Variants in SRRM5 observed in about 807,000 individuals in gnomAD.
SRRM5 encodes serine/arginine repetitive matrix protein 5.
Under a neutral mutation model 1.3 loss-of-function variants are expected in SRRM5, and 1 was observed. The observed-to-expected ratio is 0.76, with a 90% CI of 0.27 to 3.59. The LOEUF (loss-of-function observed/expected upper bound fraction) is 3.59, where lower values mean the gene tolerates loss of function less well. Among genes scored for constraint, SRRM5 ranks in the 30% most tolerant of loss-of-function variants. SRRM5 has a pLI of 0.19. For missense variants in SRRM5, 875 were observed against 914.5 expected (o/e 0.96, Z 0.56); for synonymous variants, 275 against 320.2 (o/e 0.86, Z 1.51).
In SRRM5 at chr19:43,613,904, C is replaced by T. The variant is rs1346957527; in HGVS notation, c.1783C>T (p.Arg595Ter). 19 of 1,551,650 alleles carry T rather than the reference C, an allele frequency of 1.2e-5. No individual in the cohort carries two copies. Among genetic ancestry groups the T allele is most frequent in the Middle Eastern group, 1.7e-4 (1 of 5,990 alleles). The change falls in exon 3 of 3, where the codon CGA becomes TGA. Residue 595 changes from arginine to a stop codon, truncating the protein, a stop_gained. Transcript: ENST00000607544. LOFTEE classifies it low-confidence loss of function (END_TRUNC). ...CTCCAGCGAGGAGAGAGATCACAGC[C>T]GATCTAGAAGCCCCAATAAGCAGAG...
chr19:43,612,737 A>G lies in SRRM5; in HGVS notation c.616A>G (p.Arg206Gly), dbSNP rs1267870428. 2 of 1,551,660 alleles carry G rather than the reference A, an allele frequency of 1.3e-6. No individual in the cohort carries two copies. Among genetic ancestry groups the G allele is most frequent in the African/African-American group, 2.7e-5 (2 of 73,174 alleles). The part of the protein sequence containing the change: ...YRPPGGSGIG[R>G]SSELAVTPST... ...CCCACCAGGAGGCTCAGGTATAGGG[A>G]GGAGTTCCGAGCTGGCTGTAACTCC... Residue 206 changes from arginine to glycine, a missense_variant, in exon 1 of 1, where the codon AGG becomes GGG. Coordinates refer to ENST00000417606, the MANE Select transcript of SRRM5 (RefSeq NM_001145641.2). The surrounding 1 kb of genome is among the most constrained non-coding windows in gnomAD (Gnocchi z 4.2).
rs1275253125 is a variant in SRRM5, at chr19:43,612,720, G to A, written c.599G>A (p.Gly200Glu). 4 of 1,551,682 alleles carry A rather than the reference G, an allele frequency of 2.6e-6. No individual in the cohort carries two copies. Among genetic ancestry groups the A allele is most frequent in the East Asian group, 4.9e-5 (2 of 40,928 alleles). ...NLSKKSYRPP[G>E]GSGIGRSSEL... ...AGCAAGAAGAGTTACCGCCCACCAG[G>A]AGGCTCAGGTATAGGGAGGAGTTCC... is the stretch of plus-strand genomic sequence containing the variant. The change falls in exon 1 of 1, where the codon GGA (glycine) becomes GAA (glutamate). Residue 200 changes from glycine to glutamate, a missense_variant. Coordinates refer to ENST00000417606, the MANE Select transcript of SRRM5 (RefSeq NM_001145641.2). The surrounding 1 kb of genome is among the most constrained non-coding windows in gnomAD (Gnocchi z 4.2).
chr19:43,613,789 G>A lies in SRRM5; in HGVS notation c.1668G>A (p.Glu556=), dbSNP rs1973338913. 6.5e-7 allele frequency: 1 copy of A among 1,547,022 alleles called. No homozygotes were observed. Among genetic ancestry groups the A allele is most frequent in the Non-Finnish European group, 8.7e-7 (1 of 1,144,940 alleles). Residue 556 remains glutamate (E), a synonymous_variant, in exon 1 of 1, where the codon GAG becomes GAA. Coordinates refer to ENST00000417606, the MANE Select transcript of SRRM5 (RefSeq NM_001145641.2). The stretch of plus-strand genomic sequence containing the variant: ...CTAGAAGCCCCAGCGAGGAGAGAGA[G>A]CACAGACAATCCAGAAGCCCCAGCA... The part of the protein sequence containing the change: ...SQSRSPSEER[E]HRQSRSPSKE...
Position 43,612,387 on chromosome 19 carries a change from G to C in SRRM5, c.266G>C (p.Arg89Thr). The change falls in exon 1 of 1, where the codon AGA becomes ACA. Residue 89 changes from arginine (R) to threonine (T), a missense_variant. Physicochemically the swap from Arg to Thr is moderately conservative, Grantham distance 71. Transcript: ENST00000417606. The surrounding 1 kb of genome is among the most constrained non-coding windows in gnomAD (Gnocchi z 4.2). ...SSRSRVRSKA[R>T]TPSRVSTDTR... The stretch of plus-strand genomic sequence containing the variant: ...AGGTCCCGAGTCCGCAGCAAAGCAA[G>C]AACACCCAGCAGGGTGAGCACCGAC... 6.4e-7 allele frequency: 1 copy of C among 1,551,668 alleles called. No homozygotes were observed. Among genetic ancestry groups the C allele is most frequent in the East Asian group, 2.4e-5 (1 of 40,914 alleles).
rs1040196438 is a variant in SRRM5, at chr19:43,612,717, C to G, written c.596C>G (p.Pro199Arg). ...RNLSKKSYRP[P>R]GGSGIGRSSE... ...CTGAGCAAGAAGAGTTACCGCCCAC[C>G]AGGAGGCTCAGGTATAGGGAGGAGT... Residue 199 changes from proline to arginine, a missense_variant, in exon 1 of 1, where the codon CCA becomes CGA. By Grantham distance (103) the Pro-to-Arg change is moderately radical. Transcript: ENST00000417606. This position sits in a 1 kb window ranked among gnomAD's most constrained non-coding sequence, Gnocchi z 4.2. 1 of 1,551,510 alleles carries G rather than the reference C, an allele frequency of 6.4e-7. No individual in the cohort carries two copies. Among genetic ancestry groups the G allele is most frequent in the African/African-American group, 1.4e-5 (1 of 73,024 alleles).
chr19:43,614,123 C>G lies in SRRM5; in HGVS notation c.2002C>G (p.Pro668Ala). 2 of 1,604,318 alleles carry G rather than the reference C, an allele frequency of 1.2e-6. No homozygotes were observed. Among genetic ancestry groups the G allele is most frequent in the Non-Finnish European group, 1.7e-6 (2 of 1,175,338 alleles). ...AAGCAGTCTCAGTCAGAATAGAACC[C>G]CTAGCAAGACAAGCAGCCACTCCCC... The part of the protein sequence containing the change: ...RTSSLSQNRT[P>A]SKTSSHSPST... Residue 668 changes from proline (P) to alanine (A), a missense_variant, in exon 1 of 1, where the codon CCT becomes GCT. Pro to Ala is a conservative substitution (Grantham distance 27). Coordinates refer to ENST00000417606, the MANE Select transcript of SRRM5 (RefSeq NM_001145641.2).
Position 43,612,423 on chromosome 19 carries a change from G to C in SRRM5, c.302G>C (p.Ser101Thr). 1 of 1,550,872 alleles carries C rather than the reference G, an allele frequency of 6.4e-7. No individual in the cohort carries two copies. Among genetic ancestry groups the C allele is most frequent in the Non-Finnish European group, 8.7e-7 (1 of 1,146,740 alleles). ...AGGGTGAGCACCGACACCAGGACCA[G>C]CAAAGCCAGCAAGGCCAGCGACGTG... ...PSRVSTDTRTSKASKASDVRC... is the reference protein window; with the variant it reads ...PSRVSTDTRTTKASKASDVRC... Residue 101 changes from serine (S) to threonine (T), a missense_variant, in exon 1 of 1, where the codon AGC becomes ACC. Ser to Thr is a moderately conservative substitution (Grantham distance 58, BLOSUM62 1). Transcript: ENST00000417606. This position sits in a 1 kb window ranked among gnomAD's most constrained non-coding sequence, Gnocchi z 4.2.
Position 43,612,908 on chromosome 19 carries a change from T to G in SRRM5, c.787T>G (p.Ser263Ala). 1 of 1,551,550 alleles carries G rather than the reference T, an allele frequency of 6.4e-7. No homozygotes were observed. The highest frequency in any genetic ancestry group is 2.0e-5 in the Admixed American group (1 of 50,988). Residue 263 changes from serine (S) to alanine (A), a missense_variant, in exon 1 of 1, where the codon TCC (serine) becomes GCC (alanine). By Grantham distance (99) the Ser-to-Ala change is moderately conservative. Coordinates refer to ENST00000417606, the MANE Select transcript of SRRM5 (RefSeq NM_001145641.2). This position sits in a 1 kb window ranked among gnomAD's most constrained non-coding sequence, Gnocchi z 4.2. ...AAAGAGTTACAGCCCCACTGAAATG[T>G]CCAGCAGGGTCAAGAGTTATAACCA... ...REKSYSPTEM[S>A]SRVKSYNQAS...
In SRRM5 at chr19:43,612,183, T is replaced by C. The variant is rs1391793706; in HGVS notation, c.62T>C (p.Met21Thr). The change falls in exon 1 of 1, where the codon ATG becomes ACG. Residue 21 changes from methionine to threonine, a missense_variant. By Grantham distance (81) the Met-to-Thr change is moderately conservative. Transcript: ENST00000417606. This position sits in a 1 kb window ranked among gnomAD's most constrained non-coding sequence, Gnocchi z 4.2. ...SMSLAPSGSS[M>T]PTADPKPPAS... ...TCTCTGGCACCCAGTGGATCCTCCA[T>C]GCCCACTGCGGATCCCAAGCCTCCT... 4.5e-6 allele frequency: 7 copies of C among 1,551,592 alleles called. No individual in the cohort carries two copies. Among genetic ancestry groups the C allele is most frequent in the Middle Eastern group, 1.7e-4 (1 of 6,014 alleles).
At position 43,613,603 on chromosome 19, in the gene SRRM5, G is replaced by C; in HGVS notation, c.1482G>C (p.Glu494Asp). The change falls in exon 1 of 1, where the codon GAG becomes GAC. Residue 494 changes from glutamate to aspartate, a missense_variant. Transcript: ENST00000417606. ...GCCAACTTGGAAGCCCCAGCAAAGAGAGAGATCACAGACGATCTAGAAGCC... is the reference window on the plus strand; with the variant it reads ...GCCAACTTGGAAGCCCCAGCAAAGACAGAGATCACAGACGATCTAGAAGCC... ...DHSQLGSPSK[E>D]RDHRRSRSPS... is the part of the protein sequence containing the mutation. 4.5e-6 allele frequency: 7 copies of C among 1,550,224 alleles called. No individual in the cohort carries two copies. The highest frequency in any genetic ancestry group is 6.1e-6 in the Non-Finnish European group (7 of 1,145,866).
At position 43,613,314 on chromosome 19, in the gene SRRM5, A is replaced by C. The variant is rs1197540655; in HGVS notation, c.1193A>C (p.Gln398Pro). The C allele has an allele frequency of 4.5e-6, 7 of 1,551,500 alleles. No individual in the cohort carries two copies. The Admixed American group carries it at 1.4e-4, about 30-fold the overall frequency. ...AGTCAATCAGGAAGCCCCAACAAGC[A>C]GAGAGATCACAGCCGATCTAGAAGT... ...GRSQSGSPNK[Q>P]RDHSRSRSPN... The change falls in exon 1 of 1, where the codon CAG (glutamine) becomes CCG (proline). Residue 398 changes from glutamine (Q) to proline (P), a missense_variant. Coordinates refer to ENST00000417606, the MANE Select transcript of SRRM5 (RefSeq NM_001145641.2).
chr19:43,613,014 C>T lies in SRRM5; in HGVS notation c.893C>T (p.Thr298Met), dbSNP rs200074607. The T allele has an allele frequency of 1.5e-4, 236 of 1,551,506 alleles. 1 individual carries two copies. Among genetic ancestry groups the T allele is most frequent in the Middle Eastern group, 1.7e-4 (1 of 5,988 alleles). Residue 298 changes from threonine to methionine, a missense_variant, in exon 1 of 1, where the codon ACG (threonine) becomes ATG (methionine). Transcript: ENST00000417606. ...TCAAGAAGTGGCAGTCAGAAGAGGACGCACAGCAGAGTGAGAAGTCACAGT... is the reference window on the plus strand; with the variant it reads ...TCAAGAAGTGGCAGTCAGAAGAGGATGCACAGCAGAGTGAGAAGTCACAGT... ...RRSRSGSQKR[T>M]HSRVRSHSWK... is the part of the protein sequence containing the mutation.
Position 43,612,176 on chromosome 19 carries a change from T to A in SRRM5, c.55T>A (p.Ser19Thr), listed in dbSNP as rs1406176247. The A allele has an allele frequency of 6.4e-7, 1 of 1,551,592 alleles. No homozygotes were observed. Among genetic ancestry groups the A allele is most frequent in the South Asian group, 1.2e-5 (1 of 84,058 alleles). The change falls in exon 1 of 1, where the codon TCC (serine) becomes ACC (threonine). Residue 19 changes from serine (S) to threonine (T), a missense_variant. Transcript: ENST00000417606. The surrounding 1 kb of genome is among the most constrained non-coding windows in gnomAD (Gnocchi z 4.2). Reference sequence around the variant, plus strand: ...CAGTATGTCTCTGGCACCCAGTGGATCCTCCATGCCCACTGCGGATCCCAA... The same window carrying A: ...CAGTATGTCTCTGGCACCCAGTGGAACCTCCATGCCCACTGCGGATCCCAA... ...KPSMSLAPSG[S>T]SMPTADPKPP...
Position 43,613,940 on chromosome 19 carries a change from C to A in SRRM5, c.1819C>A (p.Arg607=). Residue 607 remains arginine, a synonymous_variant, in exon 1 of 1, where the codon CGA becomes AGA. Transcript: ENST00000417606. ...CCCCAATAAGCAGAGTGGTTACAGT[C>A]GACCTAGAGCCTCCAGCAAGGAGAA... The part of the protein sequence containing the change: ...RSPNKQSGYS[R]PRASSKEKAH... 6.4e-7 allele frequency: 1 copy of A among 1,551,654 alleles called. No homozygotes were observed. Among genetic ancestry groups the A allele is most frequent in the Non-Finnish European group, 8.7e-7 (1 of 1,146,986 alleles).
chr19:43,612,351 G>A lies in SRRM5; in HGVS notation c.230G>A (p.Arg77Gln), dbSNP rs368916923. Residue 77 changes from arginine (R) to glutamine (Q), a missense_variant, in exon 1 of 1, where the codon CGG (arginine) becomes CAG (glutamine). By Grantham distance (43) the Arg-to-Gln change is conservative (BLOSUM62 1). Coordinates refer to ENST00000417606, the MANE Select transcript of SRRM5 (RefSeq NM_001145641.2). This position sits in a 1 kb window ranked among gnomAD's most constrained non-coding sequence, Gnocchi z 4.2. ...AGTACAAAAAGAGCCCCTTCTAACC[G>A]GCCCAGCAGCAGGTCCCGAGTCCGC... ...STSTKRAPSNRPSSRSRVRSK... is the reference protein window; with the variant it reads ...STSTKRAPSNQPSSRSRVRSK... 7.2e-5 allele frequency: 112 copies of A among 1,551,526 alleles called. No homozygotes were observed. The highest frequency in any genetic ancestry group is 1.8e-4 in the Admixed American group (9 of 50,956).
Position 43,613,163 on chromosome 19 carries a change from A to G in SRRM5, c.1042A>G (p.Arg348Gly). 1.9e-6 allele frequency: 3 copies of G among 1,551,726 alleles called. No individual in the cohort carries two copies. Among genetic ancestry groups the G allele is most frequent in the Non-Finnish European group, 2.6e-6 (3 of 1,147,004 alleles). Residue 348 changes from arginine (R) to glycine (G), a missense_variant, in exon 1 of 1, where the codon AGA becomes GGA. Arg to Gly is a moderately radical substitution (Grantham distance 125, BLOSUM62 -2). Coordinates refer to ENST00000417606, the MANE Select transcript of SRRM5 (RefSeq NM_001145641.2). ...AAGTCAAAACCAATCTAGAACCCCC[A>G]GAAGAGGAAGAAGTCACAACTGGTC... is the stretch of plus-strand genomic sequence containing the variant. ...GKSQNQSRTP[R>G]RGRSHNWSRN... is the part of the protein sequence containing the mutation.
chr19:43,612,271 G>C lies in SRRM5; in HGVS notation c.150G>C (p.Ala50=). The change falls in exon 1 of 1, where the codon GCG becomes GCC. Residue 50 remains alanine, a synonymous_variant. Coordinates refer to ENST00000417606, the MANE Select transcript of SRRM5 (RefSeq NM_001145641.2). The surrounding 1 kb of genome is among the most constrained non-coding windows in gnomAD (Gnocchi z 4.2). ...PNRSLVPTKP[A]TSRNSVMSPS... is the part of the protein sequence containing the mutation. ...GATCCTTAGTGCCCACCAAACCAGC[G>C]ACATCCCGTAACTCAGTCATGAGCC... The C allele has an allele frequency of 6.4e-7, 1 of 1,551,534 alleles. No individual in the cohort carries two copies. The highest frequency in any genetic ancestry group is 8.7e-7 in the Non-Finnish European group (1 of 1,146,984).
In SRRM5 at chr19:43,612,330, C is replaced by T. The variant is rs1027952474; in HGVS notation, c.209C>T (p.Thr70Ile). 7.1e-6 allele frequency: 11 copies of T among 1,551,550 alleles called. No homozygotes were observed. The highest frequency in any genetic ancestry group is 9.6e-6 in the Non-Finnish European group (11 of 1,147,008). The change falls in exon 1 of 1, where the codon ACA (threonine) becomes ATA (isoleucine). Residue 70 changes from threonine (T) to isoleucine (I), a missense_variant. Thr to Ile is a moderately conservative substitution (Grantham distance 89). Coordinates refer to ENST00000417606, the MANE Select transcript of SRRM5 (RefSeq NM_001145641.2). The surrounding 1 kb of genome is among the most constrained non-coding windows in gnomAD (Gnocchi z 4.2). ...TCCAAGTCCACCAAATCGACCAGTA[C>T]AAAAAGAGCCCCTTCTAACCGGCCC... ...SSSKSTKSTS[T>I]KRAPSNRPSS...
Position 43,612,638 on chromosome 19 carries a change from T to TA in SRRM5, c.518dup (p.Tyr173Ter). ...GCAAAAAGGGAGCCGGGGAAAGAGT[T>TA]ACGGCCGGCCTAGAACCAGCAACAG... Residue 173 changes from tyrosine (Y) to a stop codon, truncating the protein, a stop_gained and frameshift_variant, in exon 3 of 3, where the codon TAC becomes TAAC. Coordinates refer to the SRRM5 transcript ENST00000607544. LOFTEE classifies it low-confidence loss of function (END_TRUNC). This position sits in a 1 kb window ranked among gnomAD's most constrained non-coding sequence, Gnocchi z 4.2. 6.4e-7 allele frequency: 1 copy of TA among 1,551,296 alleles called. No homozygotes were observed. The highest frequency in any genetic ancestry group is 8.7e-7 in the Non-Finnish European group (1 of 1,146,908).
Sources: allele counts gnomAD v4.1 joint callset, GRCh38; gene constraint gnomAD v4.1.1; non-coding constraint Gnocchi (gnomAD v3.1); transcripts MANE v1.5; gene names NCBI Gene and HGNC (gene_info 2026-07-23, HGNC 2026-07-21).